Variants in NRG1 observed in about 807,000 individuals in gnomAD.
The protein encoded by NRG1 is neuregulin 1.
In NRG1, 18 loss-of-function variants were observed where a neutral mutation model predicts 63.8. The observed-to-expected ratio is 0.28, with a 90% CI of 0.19 to 0.42. NRG1 has a LOEUF of 0.42. Among genes scored for constraint, NRG1 ranks in the 10% least tolerant of loss-of-function variants. The pLI, the probability that NRG1 is intolerant of heterozygous loss-of-function variation, is 1.00. For synonymous variants in NRG1, 302 were observed against 301.3 expected, an observed-to-expected ratio of 1.00 and a Z score of -0.02; for missense variants, 762 against 814.7, an observed-to-expected ratio of 0.94 and a Z score of 0.79.
At chr8:31,962,727 C>G (rs1366938906) in intron 1 of NRG1, among the ~76,000 whole-genome samples, 5 of 152,100 alleles carry the variant, frequency 3.3e-5, no homozygotes, top group African/African-American at 9.7e-5. Context: ...CTGTTTCTTC[C>G]CAGGACTGCT....
chr8:31,930,953 G>T (rs1316239466), intron 1 of NRG1, among the ~76,000 whole-genome samples: 1 of 152,116 alleles, frequency 6.6e-6, no homozygotes, highest in Non-Finnish European at 1.5e-5. Flanking sequence ...GAATTCAATT[G>T]TTGGTTCCTG....
At chr8:31,782,500 T>C (rs566004574) in intron 1 of NRG1, among the ~76,000 whole-genome samples, 5 of 152,320 alleles carry the variant, frequency 3.3e-5, no homozygotes, top group Non-Finnish European at 7.3e-5. Flanking sequence ...AGAGGCTTTA[T>C]TCCAGTGACT....
chr8:32,513,185 G>A (rs936018548), intron 1 of NRG1, among the ~76,000 whole-genome samples: 2 of 146,648 alleles, frequency 1.4e-5, no homozygotes, highest in Non-Finnish European at 3.0e-5. Context: ...GTGTGTGTGT[G>A]TGTGTGTATG....
Position 32,556,934 on chromosome 8 carries a change from G to A in NRG1, c.100+8108G>A, listed in dbSNP as rs192047953. Among the ~76,000 whole-genome samples, 476 of 152,298 alleles carry A rather than the reference G, an allele frequency of 3.1e-3. 5 individuals carry two copies. The highest frequency in any genetic ancestry group is 8.5e-3 in the African/African-American group (353 of 41,544). On this transcript the variant is annotated intron_variant, in intron 1 of 11. Coordinates refer to ENST00000356819, the Ensembl canonical transcript of NRG1. ...TGATATTTTTGTCAAAACAAGTAACGTGTGTTATTACGTATAGTAAGTTAA... is the reference window on the plus strand; with the variant it reads ...TGATATTTTTGTCAAAACAAGTAACATGTGTTATTACGTATAGTAAGTTAA...
intron 6 of NRG1, among the ~76,000 whole-genome samples, chr8:32,736,435 C>T (rs560654067): frequency 3.5e-4 from 53 of 152,252 alleles, no homozygotes; most frequent in Non-Finnish European, 6.8e-4. Context: ...TTGGAGCTGG[C>T]GTAGACACTG....
At chr8:32,173,722 C>T (rs930326546) in intron 1 of NRG1, among the ~76,000 whole-genome samples, 11 of 152,110 alleles carry the variant, frequency 7.2e-5, no homozygotes, top group Admixed American at 4.6e-4. Context: ...TTTAAACCAA[C>T]AAAGATCAAA....
rs1410304451 is a variant in NRG1 at position 31,708,444 on chromosome 8, TTG to T, written c.37+69015_37+69016del. On this transcript the variant is annotated intron_variant, in intron 1 of 10. Transcript: ENST00000519301. ...ACTTGAGAAAGAAAAATAAACATAA[TTG>T]TTTTTTTTTTTTTTTTTGAGACGGA... Among the ~76,000 whole-genome samples the T allele has an allele frequency of 5.2e-3, 411 of 79,458 alleles. 10 individuals carry two copies. Among genetic ancestry groups the T allele is most frequent in the African/African-American group, 0.012 (295 of 23,922 alleles). 52.1% of individuals were successfully genotyped at this position (79,458 alleles called of 152,430 possible).
chr8:32,747,724 G>A (rs889602893), intron 7 of NRG1, among the ~76,000 whole-genome samples: 7 of 128,178 alleles, frequency 5.5e-5, no homozygotes, highest in Non-Finnish European at 1.1e-4. Flanking sequence ...GTGCATATAT[G>A]TGTGTGTGTA....
At chr8:31,831,336 C>T (rs1250513238) in intron 1 of NRG1, among the ~76,000 whole-genome samples, 1 of 152,136 alleles carries the variant, frequency 6.6e-6, no homozygotes, top group Non-Finnish European at 1.5e-5. Flanking sequence ...CTTTTGGCCT[C>T]AAGTGATCTG....
chr8:32,757,668 A>C (rs1464034144), intron 9 of NRG1, among the ~76,000 whole-genome samples: 1 of 152,206 alleles, frequency 6.6e-6, no homozygotes, highest in Non-Finnish European at 1.5e-5. Context: ...GCATGTTATA[A>C]TATATAAACG....
At chr8:31,915,121 G>A (rs956134086) in intron 1 of NRG1, among the ~76,000 whole-genome samples, 16 of 151,686 alleles carry the variant, frequency 1.1e-4, no homozygotes, top group African/African-American at 2.9e-4. Context: ...GACAGTATTG[G>A]ATATTTCATA....
intron 1 of NRG1, among the ~76,000 whole-genome samples, chr8:32,265,590 C>A (rs1037236317): frequency 2.6e-5 from 4 of 152,042 alleles, no homozygotes; most frequent in African/African-American, 9.7e-5. Flanking sequence ...CACCTATAAT[C>A]CTTGCAATTT....
intron 4 of NRG1, among the ~76,000 whole-genome samples, chr8:32,616,579 G>A (rs1847406280): frequency 6.6e-6 from 1 of 152,096 alleles, no homozygotes; most frequent in Non-Finnish European, 1.5e-5. Flanking sequence ...TTCAGATAAT[G>A]CTTGGTGTGT....
At chr8:32,119,790 ACTACC>A (rs1335149760) in intron 1 of NRG1, among the ~76,000 whole-genome samples, 2 of 152,026 alleles carry the variant, frequency 1.3e-5, no homozygotes, top group African/African-American at 4.8e-5. Context: ...GTGGAGGAGA[ACTACC>A]CTAACAATCT....
At position 32,482,520 on chromosome 8, in the gene NRG1, C is replaced by T. The variant is rs116189774; in HGVS notation, c.38-113308C>T. 6.7e-3 allele frequency among the ~76,000 whole-genome samples: 1,023 copies of T among 152,066 alleles called. 7 individuals carry two copies. Among genetic ancestry groups the T allele is most frequent in the African/African-American group, 0.018 (766 of 41,466 alleles). On this transcript the variant is annotated intron_variant, in intron 1 of 10. Coordinates refer to the NRG1 transcript ENST00000519301. Reference sequence around the variant, plus strand: ...TGAGATCAAATCTGCCATGCTTTTCCGGGCAGATCCAGGCTGGGATCTCAG... The same window carrying T: ...TGAGATCAAATCTGCCATGCTTTTCTGGGCAGATCCAGGCTGGGATCTCAG...
At chr8:32,256,936 A>G (rs1358460769) in intron 1 of NRG1, among the ~76,000 whole-genome samples, 5 of 152,182 alleles carry the variant, frequency 3.3e-5, no homozygotes, top group South Asian at 4.1e-4. Context: ...AGTTTTATCT[A>G]TAAACCCCTG....
chr8:31,671,849 G>A (rs565021804), intron 1 of NRG1, among the ~76,000 whole-genome samples: 19 of 152,124 alleles, frequency 1.2e-4, no homozygotes, highest in Non-Finnish European at 2.8e-4. Context: ...TGGATTTGAG[G>A]AACCATTCTC....
chr8:31,730,042 T>G (rs1050518377), intron 1 of NRG1, among the ~76,000 whole-genome samples: 1 of 152,090 alleles, frequency 6.6e-6, no homozygotes, highest in Non-Finnish European at 1.5e-5. Flanking sequence ...CCTTAAGTAG[T>G]TAGATGATTG....
At chr8:32,370,593 C>T (rs1285554433) in intron 1 of NRG1, among the ~76,000 whole-genome samples, 2 of 152,110 alleles carry the variant, frequency 1.3e-5, no homozygotes, top group Non-Finnish European at 2.9e-5. Context: ...CGCAGTGGCT[C>T]ACGCCTCTAA....
Sources: allele counts gnomAD v4.1 joint callset (sites outside exome capture counted in the v4.1 genomes callset), GRCh38; gene constraint gnomAD v4.1.1; transcripts MANE v1.5; gene names NCBI Gene and HGNC (gene_info 2026-07-23, HGNC 2026-07-21).